The following GNG7 variants were observed in gnomAD, a reference collection of about 807,000 sequenced individuals.
GNG7 encodes G protein subunit gamma 7, also known as guanine nucleotide-binding protein G(I)/G(S)/G(O) subunit gamma-7.
Under a neutral mutation model 4.0 loss-of-function variants are expected in GNG7, and 1 was observed. The observed-to-expected ratio is 0.25, with a 90% CI of 0.09 to 1.18. The LOEUF is 1.18. GNG7 is among the 50% of genes most tolerant of loss of function. The pLI is 0.50. For synonymous variants in GNG7, 34 were observed against 36.9 expected (o/e 0.92, Z 0.29); for missense variants, 86 against 91.9 (o/e 0.94, Z 0.26).
rs535959409 is a variant in GNG7 at position 2,625,493 on chromosome 19, C to T, written c.-78+20731G>A. ...CCTCTGAAAGTGCTGGGATTACAGGCGTGAGCCACTGCTCCCAGATTAGCC... is the reference window on the plus strand; with the variant it reads ...CCTCTGAAAGTGCTGGGATTACAGGTGTGAGCCACTGCTCCCAGATTAGCC... On this transcript the variant is annotated intron_variant, in intron 2 of 4. Transcript: ENST00000382159. Among the ~76,000 whole-genome samples, 19 of 152,166 alleles carry T rather than the reference C, an allele frequency of 1.2e-4. No homozygotes were observed. In the South Asian group the frequency reaches 3.5e-3, roughly 28 times the overall value.
chr19:2,586,588 T>C (rs938490227), intron 2 of GNG7, among the ~76,000 whole-genome samples: 7 of 152,094 alleles, frequency 4.6e-5, no homozygotes, highest in Non-Finnish European at 8.8e-5. Flanking sequence ...CCCTGACATT[T>C]GACAGCCAAG....
intron 2 of GNG7, among the ~76,000 whole-genome samples, chr19:2,629,695 T>A (rs745740801): frequency 4.6e-5 from 7 of 152,124 alleles, no homozygotes; most frequent in Non-Finnish European, 7.4e-5. Flanking sequence ...GGCACCCACA[T>A]CAACGGTCAA....
At chr19:2,684,991 G>A (rs368727872) in intron 1 of GNG7, among the ~76,000 whole-genome samples, 1 of 152,168 alleles carries the variant, frequency 6.6e-6, no homozygotes, top group East Asian at 1.9e-4. Flanking sequence ...AGGCGTGGCG[G>A]CACACGCCTG....
intron 2 of GNG7, among the ~76,000 whole-genome samples, chr19:2,599,936 CAA>C (rs529339667): frequency 1.8e-5 from 2 of 112,154 alleles, no homozygotes; most frequent in Admixed American, 9.5e-5. Context: ...GACTCCATCT[CAA>C]AAAAAAAAAA....
chr19:2,556,107 G>A (rs922487720), intron 2 of GNG7, among the ~76,000 whole-genome samples: 1 of 152,212 alleles, frequency 6.6e-6, no homozygotes, highest in Non-Finnish European at 1.5e-5. Context: ...CCTGCCTTGC[G>A]GAGCGTCTAC....
At chr19:2,628,262 C>T (rs963864603) in intron 2 of GNG7, among the ~76,000 whole-genome samples, 2 of 152,198 alleles carry the variant, frequency 1.3e-5, no homozygotes, top group East Asian at 3.9e-4. Flanking sequence ...TGGGCTGGGC[C>T]GAGTTGTCAT....
chr19:2,529,484 C>T (rs894735041), intron 3 of GNG7, among the ~76,000 whole-genome samples: 10 of 152,228 alleles, frequency 6.6e-5, no homozygotes, highest in Non-Finnish European at 1.3e-4. Flanking sequence ...TCCCAAAGTG[C>T]TGGGATGACA....
chr19:2,558,824 G>C (rs1979647362), intron 2 of GNG7, among the ~76,000 whole-genome samples: 1 of 146,360 alleles, frequency 6.8e-6, no homozygotes, highest in Admixed American at 6.9e-5. Context: ...TTTTGGGACA[G>C]GTGTCATTTT....
chr19:2,676,277 T>C (rs983837234), intron 1 of GNG7, among the ~76,000 whole-genome samples: 4 of 152,176 alleles, frequency 2.6e-5, no homozygotes, highest in African/African-American at 9.7e-5. Context: ...GAAGTCATTT[T>C]CCATGGGCGC....
At chr19:2,649,875 AGCCCCG>A (rs890804549) in intron 1 of GNG7, among the ~76,000 whole-genome samples, 20 of 138,248 alleles carry the variant, frequency 1.4e-4, no homozygotes, top group African/African-American at 5.1e-4. Context: ...CCCGATCCCC[AGCCCCG>A]GCCCCCACGC....
At chr19:2,544,102 C>G (rs962010118) in intron 3 of GNG7, among the ~76,000 whole-genome samples, 1 of 152,140 alleles carries the variant, frequency 6.6e-6, no homozygotes. Flanking sequence ...GGAGTGGAAA[C>G]GTCAGCCCTT....
chr19:2,623,280 A>G (rs562713405), intron 2 of GNG7, among the ~76,000 whole-genome samples: 1 of 152,220 alleles, frequency 6.6e-6, no homozygotes, highest in Admixed American at 6.5e-5. Flanking sequence ...TGATCGTGCC[A>G]CTGCACTCCA....
At chr19:2,643,650 T>A in intron 2 of GNG7, 1 of 455,652 alleles carries the variant, frequency 2.2e-6, no homozygotes, top group South Asian at 1.6e-5. Flanking sequence ...CTGCACACCT[T>A]CCAGCCCTGC....
At chr19:2,616,895 C>T (rs1346933713) in intron 2 of GNG7, among the ~76,000 whole-genome samples, 3 of 152,144 alleles carry the variant, frequency 2.0e-5, no homozygotes, top group African/African-American at 2.4e-5. Context: ...CCCGCCTCTT[C>T]CTCTGACTGT....
At chr19:2,649,616 C>G (rs887713799) in intron 1 of GNG7, among the ~76,000 whole-genome samples, 16 of 151,978 alleles carry the variant, frequency 1.1e-4, no homozygotes, top group Non-Finnish European at 2.1e-4. Flanking sequence ...TCTTGAGCCC[C>G]TGACCTCATG....
chr19:2,537,944 G>A (rs879857916), intron 3 of GNG7, among the ~76,000 whole-genome samples: 2 of 152,152 alleles, frequency 1.3e-5, no homozygotes, highest in Non-Finnish European at 2.9e-5. Context: ...GGATGTGGTG[G>A]TGCATGCCTG....
At chr19:2,669,405 G>A (rs1215619790) in intron 1 of GNG7, among the ~76,000 whole-genome samples, 4 of 151,996 alleles carry the variant, frequency 2.6e-5, no homozygotes, top group East Asian at 3.9e-4. Flanking sequence ...CAAGAGAATC[G>A]CTTGAACCCA....
At chr19:2,539,022 C>A (rs544714860) in intron 3 of GNG7, among the ~76,000 whole-genome samples, 1 of 152,114 alleles carries the variant, frequency 6.6e-6, no homozygotes, top group African/African-American at 2.4e-5. Flanking sequence ...CTGCCCACCT[C>A]GGCCTCCCAA....
At chr19:2,628,574 T>TTA (rs1982077997) in intron 2 of GNG7, among the ~76,000 whole-genome samples, 1 of 150,060 alleles carries the variant, frequency 6.7e-6, no homozygotes, top group Non-Finnish European at 1.5e-5. Flanking sequence ...CGTTTATGTG[T>TTA]ACGGTTCAGT....
Sources: allele counts gnomAD v4.1 joint callset (sites outside exome capture counted in the v4.1 genomes callset), GRCh38; gene constraint gnomAD v4.1.1; transcripts MANE v1.5; gene names NCBI Gene and HGNC (gene_info 2026-07-23, HGNC 2026-07-21).